Variants in MTR observed in about 807,000 individuals in gnomAD.
MTR encodes methionine synthase.
MTR carries 84 observed loss-of-function variants against 154.8 expected under a neutral mutation model. The observed-to-expected ratio is 0.54, with a 90% CI of 0.45 to 0.65. The LOEUF is 0.65. Ranked by LOEUF, MTR falls within the 30% of genes least tolerant of loss-of-function variation. The pLI is 0.00. For synonymous variants in MTR, 554 were observed against 553.9 expected, an observed-to-expected ratio of 1.00 and a Z score of 0.00; for missense variants, 1,275 against 1,570.2, an observed-to-expected ratio of 0.81 and a Z score of 3.18.
At chr1:236,810,704 C>T (rs1279205195) in intron 5 of MTR, 109 bp downstream of exon 5, 2 of 924,524 alleles carry the variant, frequency 2.2e-6, no homozygotes, top group African/African-American at 1.6e-5. Flanking sequence ...CTTAGAGTTA[C>T]TGTGATTTAA....
At position 236,901,814 on chromosome 1, in the gene MTR, C is replaced by T. The variant is rs1431578549; in HGVS notation, c.*4170C>T. ...CCTAATTACCTCCCAAAGATGCCAT[C>T]TCCAAACACCATCATTCTGGGGATT... is the stretch of plus-strand genomic sequence containing the variant. On this transcript the variant is annotated 3_prime_UTR_variant, in exon 33 of 33. Coordinates refer to ENST00000366577, the MANE Select transcript of MTR (RefSeq NM_000254.3). 2.0e-5 allele frequency: 3 copies of T among 152,264 alleles called. No individual in the cohort carries two copies. The highest frequency in any genetic ancestry group is 4.4e-5 in the Non-Finnish European group (3 of 68,094). The allele number at this position is 152,264 out of a possible 1,614,324, so 9.4% of individuals were successfully genotyped here.
intron 31 of MTR, 130 bp from the exon 32 acceptor site, chr1:236,896,876 G>C: frequency 1.3e-6 from 1 of 777,744 alleles, no homozygotes; most frequent in East Asian, 2.4e-5. Flanking sequence ...GCTGTGTCAT[G>C]TGTCTACCTA....
At chr1:236,833,802 C>T (rs1024195998) in intron 13 of MTR, among the ~76,000 whole-genome samples, 3 of 152,136 alleles carry the variant, frequency 2.0e-5, no homozygotes, top group East Asian at 1.9e-4. Flanking sequence ...GCTGTTATTC[C>T]GTGATTCTTA....
At chr1:236,882,662 G>C (rs1263489211) in intron 25 of MTR, among the ~76,000 whole-genome samples, 1 of 152,168 alleles carries the variant, frequency 6.6e-6, no homozygotes, top group Non-Finnish European at 1.5e-5. Context: ...CAAAGTGCTG[G>C]GATTACAGGC....
Position 236,819,985 on chromosome 1 carries a change from G to A in MTR, c.764+3442G>A, listed in dbSNP as rs149479602. 4.5e-3 allele frequency: 5,141 copies of A among 1,141,668 alleles called. 29 individuals carry two copies. The highest frequency in any genetic ancestry group is 0.012 in the Middle Eastern group (43 of 3,552). 70.7% of individuals were successfully genotyped at this position (1,141,668 alleles called of 1,614,324 possible). A position where few individuals can be genotyped will look rare whatever the true frequency, so the allele number is the denominator to read the frequency against. ...ACTAACCAGATCCAGGCAGCCTTCC[G>A]GGAGCCATGGCTTCTTGTGGTTACT... On this transcript the variant is annotated intron_variant, in intron 8 of 32. Transcript: ENST00000366577.
At chr1:236,822,045 T>C (rs1220953634) in intron 8 of MTR, among the ~76,000 whole-genome samples, 1 of 152,232 alleles carries the variant, frequency 6.6e-6, no homozygotes, top group African/African-American at 2.4e-5. Flanking sequence ...CTGGGTCTTT[T>C]GTCTCGCCAT....
In MTR at chr1:236,825,200, A is replaced by C. The variant is rs1662219128; in HGVS notation, c.866-138A>C. The C allele has an allele frequency of 1.2e-5, 5 of 425,386 alleles. No individual in the cohort carries two copies. The South Asian group carries it at 1.8e-4, about 15-fold the overall frequency. The allele number at this position is 425,386 out of a possible 1,614,324, so 26.4% of individuals were successfully genotyped here. A position where few individuals can be genotyped will look rare whatever the true frequency, so the allele number is the denominator to read the frequency against. ...TGGTATCTCTTTGTTTACTGTGTGA[A>C]TATTATGTGTTTGTTTTTGCAAGTA... On this transcript the variant is annotated intron_variant, in intron 9 of 32. Transcript: ENST00000366577.
intron 15 of MTR, among the ~76,000 whole-genome samples, chr1:236,842,001 C>G (rs1001095826): frequency 2.0e-5 from 3 of 151,942 alleles, no homozygotes; most frequent in Admixed American, 1.3e-4. Context: ...ACGCCATTCT[C>G]CTGCCTCAGC....
intron 19 of MTR, among the ~76,000 whole-genome samples, chr1:236,860,312 C>A (rs1015066897): frequency 6.6e-6 from 1 of 152,014 alleles, no homozygotes; most frequent in Admixed American, 6.5e-5. Context: ...AAGTCAGTTT[C>A]ATAGTTGGAA....
At chr1:236,870,372 C>A (rs1665058983) in intron 22 of MTR, among the ~76,000 whole-genome samples, 1 of 152,218 alleles carries the variant, frequency 6.6e-6, no homozygotes, top group East Asian at 1.9e-4. Context: ...GGTCTTTAAA[C>A]ACAGAAATGT....
At chr1:236,863,362 G>C in intron 21 of MTR, 92 bp from the exon 22 acceptor site, 1 of 975,774 alleles carries the variant, frequency 1.0e-6, no homozygotes, top group Non-Finnish European at 1.6e-6. Context: ...GTATTGAATT[G>C]CTTTCTGTGC....
At chr1:236,882,911 C>T (rs1002706172) in intron 25 of MTR, among the ~76,000 whole-genome samples, 1 of 152,192 alleles carries the variant, frequency 6.6e-6, no homozygotes, top group Admixed American at 6.5e-5. Context: ...CTTCAGGAGC[C>T]AGTGGTATAA....
At chr1:236,860,409 TG>T (rs67957225) in intron 19 of MTR, among the ~76,000 whole-genome samples, 42,573 of 148,904 alleles carry the variant, frequency 0.29, 7,126 homozygotes, top group African/African-American at 0.46. Context: ...TGTTTTGTTT[TG>T]TTTTTTTTTG....
intron 15 of MTR, among the ~76,000 whole-genome samples, chr1:236,838,991 T>C (rs1663072385): frequency 6.6e-6 from 1 of 152,236 alleles, no homozygotes; most frequent in Non-Finnish European, 1.5e-5. Flanking sequence ...TATGTATTTG[T>C]GTATCTAAAC....
chr1:236,804,123 G>A (rs1660843158), intron 2 of MTR, among the ~76,000 whole-genome samples: 1 of 152,192 alleles, frequency 6.6e-6, no homozygotes, highest in Non-Finnish European at 1.5e-5. Context: ...GGGCCCTCTT[G>A]TTTATAGATA....
Position 236,897,135 on chromosome 1 carries a change from A to AT in MTR, c.3711+19dup, listed in dbSNP as rs1666668752. On this transcript the variant is annotated intron_variant, in intron 32 of 32. Transcript: ENST00000366577. ...AAGGATCAGGTAAGCTAGCTGTTGC[A>AT]TTATATGTGGCTTGCCTAGTTCAAA... 1 of 1,540,348 alleles carries AT rather than the reference A, an allele frequency of 6.5e-7. No homozygotes were observed. Among genetic ancestry groups the AT allele is most frequent in the South Asian group, 1.1e-5 (1 of 89,544 alleles).
chr1:236,895,623 G>A (rs1666582689), intron 31 of MTR, 73 bp downstream of exon 31: 1 of 1,465,938 alleles, frequency 6.8e-7, no homozygotes, highest in Middle Eastern at 1.8e-4. Flanking sequence ...CTGGCACTTA[G>A]GGTTAAACAT....
chr1:236,816,326 G>T, intron 7 of MTR, 123 bp from the exon 8 acceptor site: 1 of 843,726 alleles, frequency 1.2e-6, no homozygotes, highest in Non-Finnish European at 2.0e-6. Flanking sequence ...TTGAATTTGA[G>T]TTCCACATTT....
chr1:236,869,209 G>T (rs1441872452), intron 22 of MTR, among the ~76,000 whole-genome samples: 1 of 152,166 alleles, frequency 6.6e-6, no homozygotes, highest in Non-Finnish European at 1.5e-5. Flanking sequence ...GAGACGAAAA[G>T]GACTTTTTGT....
Sources: allele counts gnomAD v4.1 joint callset (sites outside exome capture counted in the v4.1 genomes callset), GRCh38; gene constraint gnomAD v4.1.1; transcripts MANE v1.5; gene names NCBI Gene and HGNC (gene_info 2026-07-23, HGNC 2026-07-21).